The following WBP2NL variants were observed in gnomAD, a reference collection of about 807,000 sequenced individuals.
WBP2NL encodes the protein postacrosomal sheath WW domain-binding protein.
A neutral mutation model predicts 23.3 loss-of-function variants in WBP2NL; 27 were observed. That is an observed-to-expected ratio of 1.16 (90% CI 0.85 to 1.60). The LOEUF is 1.60. WBP2NL is among the 40% of genes most tolerant of loss of function. WBP2NL has a pLI of 0.00. For missense variants in WBP2NL, 370 were observed against 389.5 expected (o/e 0.95, Z 0.42); for synonymous variants, 151 against 145.9 (o/e 1.03, Z -0.25).
chr22:42,050,294 AAAAAC>A (rs1233815455), intron 8 of WBP2NL, among the ~76,000 whole-genome samples: 1 of 152,034 alleles, frequency 6.6e-6, no homozygotes, highest in South Asian at 2.1e-4. Context: ...CCCTGTCTCT[AAAAAC>A]AAACGAAAAA....
chr22:42,008,146 C>CCTTTCCTTTG (rs1922459051), intron 1 of WBP2NL, among the ~76,000 whole-genome samples: 1 of 135,884 alleles, frequency 7.4e-6, no homozygotes, highest in Non-Finnish European at 1.6e-5. Context: ...CCTTTCCTTT[C>CCTTTCCTTTG]CTTTCCTTTC....
At chr22:42,047,863 C>T (rs1221495511) in intron 8 of WBP2NL, among the ~76,000 whole-genome samples, 3 of 151,352 alleles carry the variant, frequency 2.0e-5, no homozygotes, top group East Asian at 2.1e-4. Context: ...CCTTGTGGTC[C>T]GCCCAATCTC....
chr22:42,022,286 G>C lies in WBP2NL; in HGVS notation c.444G>C (p.Trp148Cys). 6.2e-7 allele frequency: 1 copy of C among 1,614,110 alleles called. No homozygotes were observed. ...RGFPLRTLND[W>C]FSSMGIYVIT... is the part of the protein sequence containing the mutation. ...TTCCACTTAGAACCTTAAATGACTG[G>C]TTCAGCTCTATGGGAATTTATGTAA... The change falls in exon 5 of 6, where the codon TGG becomes TGC. Residue 148 changes from tryptophan to cysteine, a missense_variant. Transcript: ENST00000328823.
chr22:42,011,924 C>A (rs1046269355), intron 1 of WBP2NL, among the ~76,000 whole-genome samples: 17 of 152,186 alleles, frequency 1.1e-4, no homozygotes, highest in Admixed American at 2.0e-4. Context: ...AGGTGCCCAC[C>A]ACCATGCCTG....
chr22:42,023,196 T>A (rs1014152595), intron 5 of WBP2NL, among the ~76,000 whole-genome samples: 3 of 151,920 alleles, frequency 2.0e-5, no homozygotes, highest in Admixed American at 2.0e-4. Context: ...GGTGTTTTTT[T>A]TTTTTGGAGA....
intron 8 of WBP2NL, among the ~76,000 whole-genome samples, chr22:42,053,409 G>A (rs1925906380): frequency 6.6e-6 from 1 of 151,954 alleles, no homozygotes; most frequent in South Asian, 2.1e-4. Flanking sequence ...TTTCTACAGT[G>A]ACTGATGACT....
intron 1 of WBP2NL, chr22:42,001,738 C>T (rs1921712395): frequency 4.1e-6 from 5 of 1,213,982 alleles, no homozygotes; most frequent in Non-Finnish European, 3.7e-6. Context: ...TATCTGATGA[C>T]ACTGGCCAGG....
chr22:42,053,798 T>C (rs1471531815), intron 8 of WBP2NL, among the ~76,000 whole-genome samples: 1 of 152,198 alleles, frequency 6.6e-6, no homozygotes, highest in African/African-American at 2.4e-5. Context: ...GCCATTTGTA[T>C]AACTCTTTGG....
rs1921216341 is a variant in WBP2NL, at chr22:41,998,863, C to T, written c.45C>T (p.Leu15=). The change falls in exon 1 of 6, where the codon CTC becomes CTT. Residue 15 remains leucine (L), a synonymous_variant. Transcript: ENST00000328823. The part of the protein sequence containing the change: ...QSHTENRRGA[L]IPNGESLLKR... ...ACACCGAGAACCGCCGCGGAGCCCT[C>T]ATCCCTAACGGTGAAAGGTGCCTGA... 1 of 1,612,068 alleles carries T rather than the reference C, an allele frequency of 6.2e-7. No individual in the cohort carries two copies. Among genetic ancestry groups the T allele is most frequent in the Non-Finnish European group, 8.5e-7 (1 of 1,178,688 alleles).
intron 1 of WBP2NL, among the ~76,000 whole-genome samples, chr22:42,012,445 C>T (rs964431744): frequency 6.6e-5 from 10 of 152,116 alleles, no homozygotes; most frequent in Admixed American, 6.6e-4. Flanking sequence ...TAATTTCCCT[C>T]TGATTTCTTC....
At chr22:42,050,642 C>G (rs1355207168) in intron 8 of WBP2NL, among the ~76,000 whole-genome samples, 2 of 146,962 alleles carry the variant, frequency 1.4e-5, no homozygotes, top group Non-Finnish European at 3.0e-5. Context: ...AGTGAGACTC[C>G]ATTCCCCCGT....
downstream of WBP2NL, among the ~76,000 whole-genome samples, chr22:42,035,508 G>C (rs565489286): frequency 1.6e-3 from 241 of 152,386 alleles, 2 homozygotes; most frequent in South Asian, 0.048. Flanking sequence ...CCTTCTCCAT[G>C]GAGCATGCAG....
rs1473489969 is a variant in WBP2NL, at chr22:42,047,505, G to A, written c.*274-10785G>A. Among the ~76,000 whole-genome samples the A allele has an allele frequency of 2.6e-5, 4 of 151,130 alleles. No individual in the cohort carries two copies. In the East Asian group the frequency reaches 7.8e-4, roughly 30 times the overall value. On this transcript the variant is annotated intron_variant and NMD_transcript_variant, in intron 8 of 8. Coordinates refer to the WBP2NL transcript ENST00000436265. ...CTCGGGAGGCTGAGGCAGGAGAATC[G>A]CTTGAACCTGGGCGGCGGAGGTTGC...
Position 42,001,506 on chromosome 22 carries a change from G to T in WBP2NL, c.62+2626G>T, listed in dbSNP as rs544950686. On this transcript the variant is annotated intron_variant, in intron 1 of 5. Transcript: ENST00000328823. ...TTAACTAGGCAGTCACCGAAACCTCGCAATTCCCTTTCAGCTCCAGCTTTG... is the reference window on the plus strand; with the variant it reads ...TTAACTAGGCAGTCACCGAAACCTCTCAATTCCCTTTCAGCTCCAGCTTTG... The T allele has an allele frequency of 3.2e-5, 31 of 981,404 alleles. No individual in the cohort carries two copies. In the African/African-American group the frequency reaches 3.4e-4, roughly 11 times the overall value. 60.8% of individuals were successfully genotyped at this position (981,404 alleles called of 1,614,324 possible). A position where few individuals can be genotyped will look rare whatever the true frequency, so the allele number is the denominator to read the frequency against.
At chr22:41,998,962 G>T in intron 1 of WBP2NL, 82 bp downstream of exon 1, 2 of 1,479,354 alleles carry the variant, frequency 1.4e-6, no homozygotes, top group Non-Finnish European at 9.1e-7. Context: ...CTCTCAGCGA[G>T]TCAGGGACTT....
At chr22:42,042,045 G>A (rs897489813) in intron 8 of WBP2NL, among the ~76,000 whole-genome samples, 1 of 152,194 alleles carries the variant, frequency 6.6e-6, no homozygotes, top group Non-Finnish European at 1.5e-5. Flanking sequence ...TCTGCTGATA[G>A]TCTCATAGGG....
intron 8 of WBP2NL, among the ~76,000 whole-genome samples, chr22:42,044,601 G>A (rs912033853): frequency 1.3e-5 from 2 of 152,132 alleles, no homozygotes; most frequent in Admixed American, 1.3e-4. Context: ...CCAGGAGTTC[G>A]AGACTAGCCT....
downstream of WBP2NL, chr22:42,031,138 A>T (rs1924914353): frequency 6.6e-6 from 1 of 152,242 alleles, no homozygotes; most frequent in Non-Finnish European, 1.5e-5. Context: ...GGATAGAACC[A>T]AGTGGAGCCA....
chr22:42,033,523 G>C (rs558732946), downstream of WBP2NL, among the ~76,000 whole-genome samples: 1 of 152,290 alleles, frequency 6.6e-6, no homozygotes, highest in Non-Finnish European at 1.5e-5. Flanking sequence ...TAGAGGGTGA[G>C]CAATGAGAAT....
Sources: gnomAD v4.1 joint callset for allele counts (sites outside exome capture counted in the v4.1 genomes callset) on GRCh38, gnomAD v4.1.1 for gene constraint, MANE v1.5 for transcripts, NCBI Gene and HGNC (gene_info 2026-07-23, HGNC 2026-07-21) for gene names.